OTUD7A: variants seen among roughly 807,000 people sequenced by gnomAD.
OTUD7A encodes the protein OTU deubiquitinase 7A.
A neutral mutation model predicts 65.7 loss-of-function variants in OTUD7A; 12 were observed. The ratio of observed to expected loss-of-function variants is 0.18; its 90% CI spans 0.12 to 0.30. The LOEUF (loss-of-function observed/expected upper bound fraction) is 0.30, where lower values mean the gene tolerates loss of function less well. Ranked by LOEUF, OTUD7A falls within the 10% of genes least tolerant of loss-of-function variation. OTUD7A has a pLI of 1.00. For synonymous variants in OTUD7A, 641 were observed against 586.3 expected, an observed-to-expected ratio of 1.09 and a Z score of -1.35; for missense variants, 1,148 against 1,304.8, an observed-to-expected ratio of 0.88 and a Z score of 1.85.
chr15:31,766,422 T>C (rs1895096227), intron 1 of OTUD7A: 1 of 1,580,600 alleles, frequency 6.3e-7, no homozygotes. Context: ...CAGCAAACTT[T>C]GTGTGCCAGT....
chr15:31,641,171 A>G (rs935661590), intron 3 of OTUD7A, among the ~76,000 whole-genome samples: 7 of 134,946 alleles, frequency 5.2e-5, no homozygotes, highest in Middle Eastern at 3.5e-3. Context: ...TGAAGGTTTT[A>G]TAAGTGTCTG....
intron 8 of OTUD7A, among the ~76,000 whole-genome samples, chr15:31,521,909 C>T (rs2041943039): frequency 6.6e-6 from 1 of 152,144 alleles, no homozygotes; most frequent in Admixed American, 6.5e-5. Context: ...TCCACTTAGC[C>T]CTTCTCATCA....
At position 31,831,500 on chromosome 15, in the gene OTUD7A, G is replaced by A. The variant is rs7169423; in HGVS notation, c.-100+39007C>T. 6.9e-3 allele frequency among the ~76,000 whole-genome samples: 1,045 copies of A among 152,268 alleles called. 15 individuals are homozygous for A. The highest frequency in any genetic ancestry group is 0.024 in the African/African-American group (999 of 41,536). ...GCGATGAAACCCACTACTCACCCAC[G>A]CCAATGCCCTAAGAAAGCAGGCTGC... is the stretch of plus-strand genomic sequence containing the variant. On this transcript the variant is annotated intron_variant, in intron 1 of 12. Transcript: ENST00000307050.
intron 3 of OTUD7A, among the ~76,000 whole-genome samples, chr15:31,591,025 G>A (rs1419721622): frequency 6.6e-6 from 1 of 152,144 alleles, no homozygotes; most frequent in Admixed American, 6.5e-5. Flanking sequence ...GGACTGGGAT[G>A]ACTGAGAGGT....
chr15:31,818,818 T>A (rs2140970038), intron 1 of OTUD7A, among the ~76,000 whole-genome samples: 1 of 152,354 alleles, frequency 6.6e-6, no homozygotes, highest in South Asian at 2.1e-4. Context: ...AGTGGTCTGC[T>A]GCTGTAAAAA....
At chr15:31,640,311 C>T (rs1163484346) in intron 3 of OTUD7A, among the ~76,000 whole-genome samples, 3 of 152,140 alleles carry the variant, frequency 2.0e-5, no homozygotes, top group Non-Finnish European at 2.9e-5. Context: ...GTGTATACTG[C>T]TCGGGTGATG....
intron 10 of OTUD7A, among the ~76,000 whole-genome samples, chr15:31,488,597 A>G (rs550314929): frequency 2.0e-5 from 3 of 152,220 alleles, no homozygotes; most frequent in Admixed American, 1.3e-4. Context: ...CACACAGCAG[A>G]GAAGCACAGC....
intron 1 of OTUD7A, among the ~76,000 whole-genome samples, chr15:31,774,894 C>A (rs1165191204): frequency 6.6e-6 from 1 of 150,936 alleles, no homozygotes; most frequent in African/African-American, 2.4e-5. Context: ...TTGTCCTGGC[C>A]TTCTCGTGGG....
rs552445976 is a variant in OTUD7A, at chr15:31,484,644, G to A, written c.1452C>T (p.Asp484=). The A allele has an allele frequency of 6.3e-6, 10 of 1,587,694 alleles. No homozygotes were observed. Among genetic ancestry groups the A allele is most frequent in the Non-Finnish European group, 8.6e-6 (10 of 1,168,768 alleles). The change falls in exon 13 of 13, where the codon GAC becomes GAT. Residue 484 remains aspartate, a synonymous_variant. Coordinates refer to ENST00000307050, the MANE Select transcript of OTUD7A (RefSeq NM_001382637.1). This position sits in a 1 kb window ranked among gnomAD's most constrained non-coding sequence, Gnocchi z 4.5. ...VQSLADSLDS[D]RDSVCSNSNS... ...TAGAATTGCTGCACACCGAATCGCGGTCCGAGTCCAGCGAGTCGGCCAGGG... is the reference window on the plus strand; with the variant it reads ...TAGAATTGCTGCACACCGAATCGCGATCCGAGTCCAGCGAGTCGGCCAGGG...
intron 1 of OTUD7A, among the ~76,000 whole-genome samples, chr15:31,691,530 T>A (rs1892962354): frequency 2.0e-5 from 3 of 151,890 alleles, no homozygotes; most frequent in South Asian, 2.1e-4. Context: ...AAACCAAATA[T>A]CCATATGCAG....
chr15:31,798,221 C>T (rs1207001327), intron 1 of OTUD7A, among the ~76,000 whole-genome samples: 1 of 152,068 alleles, frequency 6.6e-6, no homozygotes, highest in East Asian at 1.9e-4. Context: ...GGGTGGGGGT[C>T]CCAATTTAGT....
At chr15:31,700,272 C>T (rs1893183811) in intron 1 of OTUD7A, among the ~76,000 whole-genome samples, 1 of 151,284 alleles carries the variant, frequency 6.6e-6, no homozygotes, top group African/African-American at 2.4e-5. Flanking sequence ...GATTTATACT[C>T]ACTAAATATT....
At chr15:31,516,020 A>G (rs938758264) in intron 8 of OTUD7A, among the ~76,000 whole-genome samples, 37 of 152,090 alleles carry the variant, frequency 2.4e-4, no homozygotes, top group African/African-American at 8.2e-4. Context: ...TCAACCATCT[A>G]TCTGCCCAAG....
chr15:31,620,275 G>A (rs927548003), intron 3 of OTUD7A, among the ~76,000 whole-genome samples: 3 of 152,146 alleles, frequency 2.0e-5, no homozygotes, highest in African/African-American at 7.2e-5. Context: ...GATGATGCTG[G>A]CCTCATAAAA....
intron 3 of OTUD7A, among the ~76,000 whole-genome samples, chr15:31,647,303 C>T (rs1011225906): frequency 6.6e-6 from 1 of 152,198 alleles, no homozygotes. Flanking sequence ...ATCGCACACA[C>T]TTGAAAACGC....
chr15:31,785,668 G>T (rs1300768237), intron 1 of OTUD7A, among the ~76,000 whole-genome samples: 1 of 152,164 alleles, frequency 6.6e-6, no homozygotes, highest in Non-Finnish European at 1.5e-5. Flanking sequence ...TAACATTCCT[G>T]CTGTACCCCA....
In OTUD7A at chr15:31,483,287, G is replaced by T. The variant is rs1303182394; in HGVS notation, c.*7C>A. The T allele has an allele frequency of 6.9e-5, 77 of 1,110,056 alleles. No individual in the cohort carries two copies. The highest frequency in any genetic ancestry group is 8.1e-5 in the Non-Finnish European group (74 of 912,230). 68.8% of individuals were successfully genotyped at this position (1,110,056 alleles called of 1,614,324 possible). On this transcript the variant is annotated 3_prime_UTR_variant, in exon 13 of 13. Transcript: ENST00000307050. Reference sequence around the variant, plus strand: ...AGAACCTCGCCGCCCGCGCCGCGCCGCGCCGCTCAGGGCCGGGCCCCGCGC... The same window carrying T: ...AGAACCTCGCCGCCCGCGCCGCGCCTCGCCGCTCAGGGCCGGGCCCCGCGC...
intron 1 of OTUD7A, among the ~76,000 whole-genome samples, chr15:31,797,207 G>T (rs1047907722): frequency 6.6e-6 from 1 of 152,182 alleles, no homozygotes; most frequent in Non-Finnish European, 1.5e-5. Flanking sequence ...CCTCTGAGAC[G>T]TGATTCTAAA....
At chr15:31,728,395 T>C (rs975822147) in intron 1 of OTUD7A, among the ~76,000 whole-genome samples, 3 of 152,222 alleles carry the variant, frequency 2.0e-5, no homozygotes, top group African/African-American at 7.2e-5. Flanking sequence ...TCAATCCATT[T>C]TCCGTTTAGT....
Sources: allele counts gnomAD v4.1 joint callset (sites outside exome capture counted in the v4.1 genomes callset), GRCh38; gene constraint gnomAD v4.1.1; non-coding constraint Gnocchi (gnomAD v3.1); transcripts MANE v1.5; gene names NCBI Gene and HGNC (gene_info 2026-07-23, HGNC 2026-07-21).